The following SARNP variants were observed in gnomAD, a reference collection of about 807,000 sequenced individuals.
SARNP encodes the protein SAP domain-containing ribonucleoprotein.
SARNP carries 5 observed loss-of-function variants against 38.1 expected under a neutral mutation model. The ratio of observed to expected loss-of-function variants is 0.13; its 90% CI spans 0.07 to 0.28. SARNP has a LOEUF of 0.28. SARNP is among the 10% of genes least tolerant of loss of function. The pLI is 1.00. For synonymous variants in SARNP, 84 were observed against 80.6 expected (o/e 1.04, Z -0.23); for missense variants, 180 against 243.9 (o/e 0.74, Z 1.75).
At chr12:55,784,889 C>T (rs1192840286) in intron 9 of SARNP, among the ~76,000 whole-genome samples, 2 of 152,182 alleles carry the variant, frequency 1.3e-5, no homozygotes, top group South Asian at 2.1e-4. Context: ...GGGATCTATA[C>T]TCACAGAGCA....
At chr12:55,774,597 A>AAAAAAAAAC (rs1879117407) in intron 9 of SARNP, among the ~76,000 whole-genome samples, 1 of 149,342 alleles carries the variant, frequency 6.7e-6, no homozygotes, top group African/African-American at 2.5e-5. Context: ...AAAAAACAAA[A>AAAAAAAAAC]ATTAGCCAGG....
chr12:55,800,768 C>G, intron 3 of SARNP, 86 bp downstream of exon 3: 1 of 1,341,942 alleles, frequency 7.5e-7, no homozygotes, highest in Non-Finnish European at 1.1e-6. Flanking sequence ...AAATTTACAT[C>G]TAAGTCCTCC....
intron 9 of SARNP, among the ~76,000 whole-genome samples, chr12:55,776,395 G>A (rs539277926): frequency 5.1e-4 from 77 of 152,080 alleles, no homozygotes; most frequent in Middle Eastern, 3.4e-3. Flanking sequence ...TCTGGGACAC[G>A]GCACTCTATA....
chr12:55,754,735 T>C (rs1878450253), downstream of SARNP: 1 of 152,238 alleles, frequency 6.6e-6, no homozygotes, highest in Non-Finnish European at 1.5e-5. Context: ...GTAGTGTGAA[T>C]ACATGATATG....
chr12:55,774,907 G>A (rs1879129768), intron 9 of SARNP, among the ~76,000 whole-genome samples: 3 of 117,936 alleles, frequency 2.5e-5, no homozygotes, highest in Admixed American at 1.1e-4. Flanking sequence ...TTTTTTGGCA[G>A]ATGGAGTCTC....
rs192078178 is a variant in SARNP, at chr12:55,805,217, G to A, written c.37-1489C>T. ...GCGGAACTTGCAGCGAGCTGAGATC[G>A]ACCACTACACTCCAGCCTGGGCGAA... is the stretch of plus-strand genomic sequence containing the variant. On this transcript the variant is annotated intron_variant, in intron 1 of 10. Transcript: ENST00000336133. Among the ~76,000 whole-genome samples, 103 of 152,264 alleles carry A rather than the reference G, an allele frequency of 6.8e-4. No homozygotes were observed. The East Asian group carries it at 9.5e-3, about 14-fold the overall frequency.
At chr12:55,804,417 GA>G (rs761267629) in intron 1 of SARNP, among the ~76,000 whole-genome samples, 6,258 of 119,732 alleles carry the variant, frequency 0.052, 415 homozygotes, top group African/African-American at 0.16. Flanking sequence ...CACGGAAACA[GA>G]AAAAAAAAAA....
chr12:55,770,394 GTTTT>G (rs1157595075), intron 9 of SARNP, among the ~76,000 whole-genome samples: 1 of 133,304 alleles, frequency 7.5e-6, no homozygotes, highest in South Asian at 2.4e-4. Context: ...GCCCAGCTAG[GTTTT>G]TTTTTTTTTT....
intron 4 of SARNP, 61 bp downstream of exon 4, chr12:55,800,501 T>C: frequency 8.7e-7 from 1 of 1,143,092 alleles, no homozygotes; most frequent in East Asian, 2.4e-5. Context: ...AGTTAAACAT[T>C]AAATACATTA....
intron 10 of SARNP, among the ~76,000 whole-genome samples, chr12:55,759,424 T>C (rs543651216): frequency 6.6e-5 from 10 of 151,378 alleles, no homozygotes; most frequent in African/African-American, 2.4e-4. Context: ...CTTTTCTTTT[T>C]TTTTTTTTTG....
At chr12:55,804,551 G>A (rs1323001251) in intron 1 of SARNP, among the ~76,000 whole-genome samples, 2 of 152,060 alleles carry the variant, frequency 1.3e-5, no homozygotes, top group Admixed American at 1.3e-4. Flanking sequence ...GGTAAGGGAG[G>A]ATTGGCTCAA....
chr12:55,779,233 A>G (rs1017937102), intron 9 of SARNP, among the ~76,000 whole-genome samples: 5 of 152,198 alleles, frequency 3.3e-5, no homozygotes, highest in Non-Finnish European at 5.9e-5. Flanking sequence ...GATTTTGGGG[A>G]AAACTGATAA....
intron 9 of SARNP, among the ~76,000 whole-genome samples, chr12:55,767,952 C>G (rs1434740143): frequency 6.6e-6 from 1 of 151,498 alleles, no homozygotes; most frequent in Non-Finnish European, 1.5e-5. Flanking sequence ...AGAATTAGAT[C>G]CATTACCAAG....
chr12:55,791,110 C>T (rs1879654715), intron 7 of SARNP, among the ~76,000 whole-genome samples: 1 of 152,162 alleles, frequency 6.6e-6, no homozygotes, highest in Non-Finnish European at 1.5e-5. Flanking sequence ...ACTATACGCA[C>T]TATACGAATT....
chr12:55,764,720 T>C (rs913026536), intron 9 of SARNP, among the ~76,000 whole-genome samples: 1 of 148,238 alleles, frequency 6.7e-6, no homozygotes, highest in Non-Finnish European at 1.5e-5. Flanking sequence ...TAGTAGTCCC[T>C]ACTCGGGAAG....
At chr12:55,784,703 G>A (rs955246502) in intron 9 of SARNP, among the ~76,000 whole-genome samples, 8 of 152,192 alleles carry the variant, frequency 5.3e-5, no homozygotes, top group African/African-American at 1.4e-4. Context: ...TGAGTTGTCC[G>A]ATATGGTAGC....
chr12:55,802,238 A>G (rs867364680), intron 2 of SARNP, among the ~76,000 whole-genome samples: 2 of 152,170 alleles, frequency 1.3e-5, no homozygotes, highest in African/African-American at 4.8e-5. Flanking sequence ...CATTAAGTAT[A>G]TATTTATGAA....
intron 1 of SARNP, among the ~76,000 whole-genome samples, chr12:55,815,462 CT>C (rs753534999): frequency 6.6e-6 from 1 of 152,036 alleles, no homozygotes; most frequent in Non-Finnish European, 1.5e-5. Flanking sequence ...GGCATGAGTT[CT>C]TTTTTTCTTT....
chr12:55,758,606 C>T (rs1398298845), intron 10 of SARNP, among the ~76,000 whole-genome samples: 1 of 151,984 alleles, frequency 6.6e-6, no homozygotes, highest in East Asian at 1.9e-4. Flanking sequence ...GATCGCACCA[C>T]TGCACTCCAG....
Sources: allele counts gnomAD v4.1 joint callset (sites outside exome capture counted in the v4.1 genomes callset), GRCh38; gene constraint gnomAD v4.1.1; transcripts MANE v1.5; gene names NCBI Gene and HGNC (gene_info 2026-07-23, HGNC 2026-07-21).